Variants in GLIS3 observed in about 807,000 individuals in gnomAD.
GLIS3 encodes the protein GLIS family zinc finger 3.
GLIS3 carries 53 observed loss-of-function variants against 78.6 expected under a neutral mutation model. That is an observed-to-expected ratio of 0.67 (90% CI 0.54 to 0.85). GLIS3 has a LOEUF of 0.85. Among genes scored for constraint, GLIS3 ranks in the 40% least tolerant of loss-of-function variants. The pLI is 0.00. For missense variants in GLIS3, 1,703 were observed against 1,231.1 expected (o/e 1.38, Z -5.74); for synonymous variants, 684 against 509.9 (o/e 1.34, Z -4.60).
rs2130239685 is a variant in GLIS3, at chr9:3,856,109, T to C, written c.2373A>G (p.Arg791=). ...RVPAPSSILQ[R]TQPPYTQQPS... ...GCTGCTGGGTATAGGGAGGCTGTGT[T>C]CTTTGCAGTATTGAAGAAGGAGCTG... The change falls in exon 9 of 11, where the codon AGA becomes AGG. Residue 791 remains arginine, a synonymous_variant. Transcript: ENST00000381971. 6.2e-7 allele frequency: 1 copy of C among 1,614,190 alleles called. No individual in the cohort carries two copies. The highest frequency in any genetic ancestry group is 1.7e-5 in the Admixed American group (1 of 60,024).
intron 2 of GLIS3, among the ~76,000 whole-genome samples, chr9:4,263,867 T>C (rs1825749586): frequency 6.6e-6 from 1 of 152,214 alleles, no homozygotes; most frequent in Non-Finnish European, 1.5e-5. Context: ...AGTTTCTTCC[T>C]CTTTCTAGCC....
chr9:4,162,594 T>C (rs1835567425), intron 2 of GLIS3, among the ~76,000 whole-genome samples: 1 of 152,122 alleles, frequency 6.6e-6, no homozygotes, highest in Non-Finnish European at 1.5e-5. Flanking sequence ...GTGCGGTGGC[T>C]CACGCCTGTA....
At chr9:4,409,918 G>C in the GLIS3 span, among the ~76,000 whole-genome samples, 9 of 152,196 alleles carry the variant, frequency 5.9e-5, no homozygotes, top group East Asian at 1.4e-3. Flanking sequence ...TATCTTTTTT[G>C]ACAGTATACA....
chr9:4,154,568 C>T (rs978865080), intron 2 of GLIS3, among the ~76,000 whole-genome samples: 4 of 151,708 alleles, frequency 2.6e-5, no homozygotes, highest in Admixed American at 6.6e-5. Context: ...TTCTATATCA[C>T]AAAGAGTTAA....
intron 1 of GLIS3, among the ~76,000 whole-genome samples, chr9:4,347,487 G>A (rs972787324): frequency 1.3e-5 from 2 of 152,154 alleles, no homozygotes; most frequent in African/African-American, 4.8e-5. Context: ...CTGTTAAAAT[G>A]CAGATTCCTA....
intron 4 of GLIS3, among the ~76,000 whole-genome samples, chr9:3,970,552 C>T (rs1818303941): frequency 6.6e-6 from 1 of 152,034 alleles, no homozygotes; most frequent in Non-Finnish European, 1.5e-5. Context: ...TTACCTTGCC[C>T]CTGAACAAGG....
intron 9 of GLIS3, among the ~76,000 whole-genome samples, chr9:3,846,605 T>C (rs1271830643): frequency 6.6e-6 from 1 of 152,208 alleles, no homozygotes; most frequent in South Asian, 2.1e-4. Context: ...AGTTAGTAAC[T>C]GCCATCTTCT....
At chr9:3,907,199 C>A (rs1823769757) in intron 6 of GLIS3, among the ~76,000 whole-genome samples, 1 of 152,192 alleles carries the variant, frequency 6.6e-6, no homozygotes, top group African/African-American at 2.4e-5. Flanking sequence ...TTAATCTGTA[C>A]AATTGTGTTG....
At chr9:4,362,341 G>A in the GLIS3 span, among the ~76,000 whole-genome samples, 4 of 151,886 alleles carry the variant, frequency 2.6e-5, no homozygotes, top group East Asian at 7.7e-4. Context: ...TTGCTGACTG[G>A]CTTGTGCACA....
chr9:4,285,787 T>A (rs1045625544), intron 2 of GLIS3: 1 of 510,578 alleles, frequency 2.0e-6, no homozygotes, highest in African/African-American at 1.9e-5. Context: ...CTATTTTTTA[T>A]CTTTCTATCT....
Position 3,986,438 on chromosome 9 carries a change from A to G in GLIS3, c.1711-49249T>C, listed in dbSNP as rs141805562. Among the ~76,000 whole-genome samples, 1,148 of 152,350 alleles carry G rather than the reference A, an allele frequency of 7.5e-3. 18 individuals are homozygous for G. The highest frequency in any genetic ancestry group is 0.027 in the African/African-American group (1,102 of 41,582). Reference sequence around the variant, plus strand: ...CCACCCCCACTGTGATCTCTCAAGCAGATTTATGAAAACTGTGTACAATTA... The same window carrying G: ...CCACCCCCACTGTGATCTCTCAAGCGGATTTATGAAAACTGTGTACAATTA... On this transcript the variant is annotated intron_variant, in intron 4 of 10. Transcript: ENST00000381971.
At chr9:4,195,787 G>A (rs1818778392) in intron 2 of GLIS3, among the ~76,000 whole-genome samples, 1 of 152,258 alleles carries the variant, frequency 6.6e-6, no homozygotes, top group Non-Finnish European at 1.5e-5. Context: ...CTGGAGGATT[G>A]TGGATGCACC....
the GLIS3 span, among the ~76,000 whole-genome samples, chr9:4,472,447 G>T: frequency 6.6e-6 from 1 of 152,164 alleles, no homozygotes; most frequent in African/African-American, 2.4e-5. Flanking sequence ...ATGAATTCAC[G>T]TCCTTTGTAG....
chr9:3,884,507 A>G (rs1299530275), intron 7 of GLIS3, among the ~76,000 whole-genome samples: 1 of 152,042 alleles, frequency 6.6e-6, no homozygotes, highest in Admixed American at 6.5e-5. Flanking sequence ...GGTAAAATAC[A>G]GATTCTGACT....
the GLIS3 span, among the ~76,000 whole-genome samples, chr9:4,442,252 T>C: frequency 6.6e-6 from 1 of 152,240 alleles, no homozygotes; most frequent in South Asian, 2.1e-4. Flanking sequence ...TTGTTCATAA[T>C]TGTCTGTTAT....
intron 4 of GLIS3, among the ~76,000 whole-genome samples, chr9:3,997,497 C>T (rs561828916): frequency 6.6e-6 from 1 of 151,890 alleles, no homozygotes; most frequent in Non-Finnish European, 1.5e-5. Context: ...TTATGCGATC[C>T]TCACTCATGA....
chr9:3,923,705 G>A (rs992472902), intron 6 of GLIS3, among the ~76,000 whole-genome samples: 1 of 152,138 alleles, frequency 6.6e-6, no homozygotes, highest in South Asian at 2.1e-4. Flanking sequence ...AGCTTTATGA[G>A]TATCTTTTGG....
At chr9:4,435,132 T>TATG in the GLIS3 span, among the ~76,000 whole-genome samples, 1 of 152,212 alleles carries the variant, frequency 6.6e-6, no homozygotes. Flanking sequence ...GTTGGCAGGG[T>TATG]ATGAATATGG....
Position 4,106,986 on chromosome 9 carries a change from T to C in GLIS3, c.1710+10782A>G, listed in dbSNP as rs139463815. ...AGCATTTTCCCAGCAGTGGTGATTGTATGGCAATGGAATCCTTGGAGAGTC... is the reference window on the plus strand; with the variant it reads ...AGCATTTTCCCAGCAGTGGTGATTGCATGGCAATGGAATCCTTGGAGAGTC... On this transcript the variant is annotated intron_variant, in intron 4 of 10. Coordinates refer to ENST00000381971, the MANE Select transcript of GLIS3 (RefSeq NM_001042413.2). Among the ~76,000 whole-genome samples, 62 of 152,096 alleles carry C rather than the reference T, an allele frequency of 4.1e-4. No homozygotes were observed. The East Asian group carries it at 0.011, about 27-fold the overall frequency.
Sources: gnomAD v4.1 joint callset for allele counts (sites outside exome capture counted in the v4.1 genomes callset) on GRCh38, gnomAD v4.1.1 for gene constraint, MANE v1.5 for transcripts, NCBI Gene and HGNC (gene_info 2026-07-23, HGNC 2026-07-21) for gene names.